Variants in SRP68 observed in about 807,000 individuals in gnomAD.
SRP68 encodes the protein signal recognition particle subunit SRP68.
A neutral mutation model predicts 82.2 loss-of-function variants in SRP68; 15 were observed. That is an observed-to-expected ratio of 0.18 (90% CI 0.12 to 0.28). The LOEUF (loss-of-function observed/expected upper bound fraction) is 0.28. SRP68 is among the 10% of genes least tolerant of loss of function. The probability of loss-of-function intolerance (pLI) is 1.00; values close to 1 mark genes in which losing one functional copy is unlikely to be tolerated. For missense variants in SRP68, 595 were observed against 780.5 expected, an observed-to-expected ratio of 0.76 and a Z score of 2.83; for synonymous variants, 261 against 292.6, an observed-to-expected ratio of 0.89 and a Z score of 1.10.
At position 76,040,909 on chromosome 17, in the gene SRP68, T is replaced by C. The variant is rs1455798090; in HGVS notation, c.1594A>G (p.Ile532Val). The C allele has an allele frequency of 1.9e-6, 3 of 1,613,806 alleles. No homozygotes were observed. The highest frequency in any genetic ancestry group is 2.5e-6 in the Non-Finnish European group (3 of 1,179,930). Reference protein sequence around the residue: ...SEKCSLQAAAILDANDAHQTE... With the variant: ...SEKCSLQAAAVLDANDAHQTE... ...GGCCAGGCAGGGGGCTCACCAAGGATGGCTGCGGCCTGCAGGGAGCACTTC... is the reference window on the plus strand; with the variant it reads ...GGCCAGGCAGGGGGCTCACCAAGGACGGCTGCGGCCTGCAGGGAGCACTTC... Residue 532 changes from isoleucine (I) to valine (V), a missense_variant, in exon 14 of 16, where the codon ATC (isoleucine) becomes GTC (valine). Physicochemically the swap from Ile to Val is conservative, Grantham distance 29. This residue lies in a region of SRP68 where 495 missense variants were observed against 688.6 expected (regional missense o/e 0.72). Transcript: ENST00000307877.
chr17:76,070,339 C>A, intron 2 of SRP68, 39 bp downstream of exon 2: 1 of 1,550,064 alleles, frequency 6.5e-7, no homozygotes, highest in South Asian at 1.1e-5. Flanking sequence ...CAAAGCAAGT[C>A]CCACAATGAT....
intron 10 of SRP68, among the ~76,000 whole-genome samples, chr17:76,047,201 T>G (rs1050308940): frequency 8.5e-5 from 13 of 152,070 alleles, no homozygotes; most frequent in Admixed American, 8.5e-4. Flanking sequence ...ACCGCAGCCT[T>G]GACCTCCCTG....
At position 76,039,654 on chromosome 17, in the gene SRP68, C is replaced by A; in HGVS notation, c.*52G>T. On this transcript the variant is annotated 3_prime_UTR_variant, in exon 16 of 16. Coordinates refer to ENST00000307877, the MANE Select transcript of SRP68 (RefSeq NM_014230.4). ...ATCATGGAACTTGCTGGGATTTTCTCACAATACAGATTAAGAGTCAGAATC... is the reference window on the plus strand; with the variant it reads ...ATCATGGAACTTGCTGGGATTTTCTAACAATACAGATTAAGAGTCAGAATC... 2 of 1,555,752 alleles carry A rather than the reference C, an allele frequency of 1.3e-6. No individual in the cohort carries two copies. The highest frequency in any genetic ancestry group is 2.3e-5 in the South Asian group (2 of 87,880).
rs1479766846 is a variant in SRP68, at chr17:76,038,976, T to C, written c.*730A>G. On this transcript the variant is annotated 3_prime_UTR_variant, in exon 16 of 16. Coordinates refer to ENST00000307877, the MANE Select transcript of SRP68 (RefSeq NM_014230.4). ...AAATAGTGCCTCTAACATGTGTATC[T>C]GGCATCAGCCTCACCTAGTTGCCGG... 6.0e-6 allele frequency: 1 copy of C among 165,762 alleles called. No homozygotes were observed. The highest frequency in any genetic ancestry group is 1.6e-4 in the East Asian group (1 of 6,118). 10.3% of individuals were successfully genotyped at this position (165,762 alleles called of 1,614,324 possible).
At chr17:76,065,301 G>C (rs1469620456) in intron 3 of SRP68, among the ~76,000 whole-genome samples, 3 of 151,996 alleles carry the variant, frequency 2.0e-5, no homozygotes, top group African/African-American at 7.2e-5. Context: ...GAAAAAAAGA[G>C]AAAAGTTAGC....
At chr17:76,049,386 T>C (rs2066655107) in intron 9 of SRP68, 1 of 152,082 alleles carries the variant, frequency 6.6e-6, no homozygotes, top group Non-Finnish European at 1.5e-5. Context: ...CAGATGGGGT[T>C]TGGACAGGTG....
intron 10 of SRP68, 86 bp downstream of exon 10, chr17:76,047,820 T>C (rs1278648060): frequency 1.5e-6 from 1 of 657,768 alleles, no homozygotes; most frequent in Admixed American, 4.0e-5. Context: ...AAATTATAAA[T>C]GTAAATATAC....
rs200474205 is a variant in SRP68, at chr17:76,061,224, G to A, written c.645-5C>T. 1.6e-4 allele frequency: 249 copies of A among 1,598,364 alleles called. No individual in the cohort carries two copies. The highest frequency in any genetic ancestry group is 2.0e-4 in the Non-Finnish European group (230 of 1,168,262). ...GCTAGCTTCTCATAGATAGTTCTGC[G>A]AGAAAAGAAAAGCCAGGTTTTACAT... On this transcript the variant is annotated splice_polypyrimidine_tract_variant and splice_region_variant and intron_variant, in intron 5 of 15. Coordinates refer to ENST00000307877, the MANE Select transcript of SRP68 (RefSeq NM_014230.4).
intron 8 of SRP68, among the ~76,000 whole-genome samples, chr17:76,051,566 T>C (rs1428064578): frequency 5.9e-5 from 9 of 152,200 alleles, no homozygotes; most frequent in African/African-American, 2.2e-4. Context: ...CTTTTTCTTC[T>C]CTTAAGAAAG....
chr17:76,046,294 C>T (rs772012603), intron 10 of SRP68, 100 bp from the exon 11 acceptor site: 31 of 722,582 alleles, frequency 4.3e-5, no homozygotes, highest in Middle Eastern at 7.9e-4. Flanking sequence ...AAGCAGGGGG[C>T]GGGTGGGGGC....
chr17:76,040,060 C>A, intron 15 of SRP68, 127 bp from the exon 16 acceptor site: 2 of 904,676 alleles, frequency 2.2e-6, no homozygotes, highest in Non-Finnish European at 1.7e-6. Context: ...TCAATCCCGA[C>A]AGCCTCCTAC....
Position 76,039,833 on chromosome 17 carries a change from C to T in SRP68, c.1757G>A (p.Cys586Tyr), listed in dbSNP as rs1425851936. 1 of 1,614,200 alleles carries T rather than the reference C, an allele frequency of 6.2e-7. No homozygotes were observed. Among genetic ancestry groups the T allele is most frequent in the East Asian group, 2.2e-5 (1 of 44,886 alleles). The change falls in exon 16 of 16, where the codon TGC (cysteine) becomes TAC (tyrosine). Residue 586 changes from cysteine to tyrosine, a missense_variant. This residue lies in a region of SRP68 where 495 missense variants were observed against 688.6 expected (regional missense o/e 0.72). Transcript: ENST00000307877. Reference protein sequence around the residue: ...HFPPGFQPIPCKPLFFDLALN... With the variant: ...HFPPGFQPIPYKPLFFDLALN... ...GGCCAGGTCAAAGAACAAAGGCTTG[C>T]AGGGAATGGGCTGGAAGCCTGGTGG...
chr17:76,059,949 C>T (rs1343634967), intron 7 of SRP68, among the ~76,000 whole-genome samples: 4 of 150,828 alleles, frequency 2.7e-5, no homozygotes, highest in South Asian at 2.1e-4. Context: ...GGCGGTGAAA[C>T]CCCATCTCTA....
intron 12 of SRP68, among the ~76,000 whole-genome samples, chr17:76,044,273 G>A (rs552398969): frequency 5.1e-4 from 77 of 152,306 alleles, no homozygotes; most frequent in African/African-American, 1.9e-3. Context: ...GAAGAACGCT[G>A]CCCGGCTCAA....
intron 3 of SRP68, among the ~76,000 whole-genome samples, chr17:76,065,010 G>C (rs1376678988): frequency 6.6e-6 from 1 of 152,098 alleles, no homozygotes; most frequent in Non-Finnish European, 1.5e-5. Flanking sequence ...AACACATTTA[G>C]ACCAGAACCT....
At chr17:76,065,255 G>A (rs2066797887) in intron 3 of SRP68, among the ~76,000 whole-genome samples, 1 of 151,836 alleles carries the variant, frequency 6.6e-6, no homozygotes, top group Non-Finnish European at 1.5e-5. Flanking sequence ...TTTGAAACCA[G>A]CCTGGTCAGC....
At chr17:76,061,451 G>A in intron 5 of SRP68, 41 bp downstream of exon 5, 2 of 1,542,036 alleles carry the variant, frequency 1.3e-6, no homozygotes, top group Non-Finnish European at 9.0e-7. Flanking sequence ...TTGACAATCT[G>A]TAATTAAAAC....
chr17:76,063,624 G>A (rs537277671), intron 4 of SRP68, among the ~76,000 whole-genome samples: 3 of 150,708 alleles, frequency 2.0e-5, no homozygotes, highest in East Asian at 2.0e-4. Context: ...ACAGGCAGAC[G>A]TTGCAGTGAG....
intron 2 of SRP68, among the ~76,000 whole-genome samples, chr17:76,069,783 A>G: frequency 6.6e-6 from 1 of 151,892 alleles, no homozygotes; most frequent in Non-Finnish European, 1.5e-5. Flanking sequence ...AAGAAAAAAA[A>G]AAAAAGAAAT....
Sources: gnomAD v4.1 joint callset for allele counts (sites outside exome capture counted in the v4.1 genomes callset) on GRCh38, gnomAD v4.1.1 for gene constraint, gnomAD v4.1.1 regional missense constraint, MANE v1.5 for transcripts, NCBI Gene and HGNC (gene_info 2026-07-23, HGNC 2026-07-21) for gene names.